Variants in UBE3A observed in about 807,000 individuals in gnomAD.
UBE3A encodes ubiquitin-protein ligase E3A.
A neutral mutation model predicts 83.4 loss-of-function variants in UBE3A; 6 were observed. The ratio of observed to expected loss-of-function variants is 0.07; its 90% CI spans 0.04 to 0.14. The LOEUF is 0.14. Among genes scored for constraint, UBE3A ranks in the 10% least tolerant of loss-of-function variants. The pLI, the probability that UBE3A is intolerant of heterozygous loss-of-function variation, is 1.00. For synonymous variants in UBE3A, 337 were observed against 355.4 expected (o/e 0.95, Z 0.58); for missense variants, 456 against 1,036.1 (o/e 0.44, Z 7.69).
At chr15:25,397,732 T>A (rs1467803856) in intron 4 of UBE3A, among the ~76,000 whole-genome samples, 1 of 152,140 alleles carries the variant, frequency 6.6e-6, no homozygotes, top group Non-Finnish European at 1.5e-5. Flanking sequence ...TCTAACCGAA[T>A]GCCTTCTCTT....
chr15:25,366,678 T>C (rs1233231557), intron 6 of UBE3A, among the ~76,000 whole-genome samples: 1 of 152,118 alleles, frequency 6.6e-6, no homozygotes, highest in African/African-American at 2.4e-5. Context: ...GTCCCCATGA[T>C]CCTCTTAAAA....
chr15:25,412,990 G>T, intron 1 of UBE3A: 1 of 437,328 alleles, frequency 2.3e-6, no homozygotes, highest in Non-Finnish European at 4.5e-6. Flanking sequence ...AAATGAATTT[G>T]CATTTTAACA....
chr15:25,355,491 T>G (rs535711279), intron 9 of UBE3A, among the ~76,000 whole-genome samples: 174 of 152,320 alleles, frequency 1.1e-3, no homozygotes, highest in Non-Finnish European at 1.9e-3. Context: ...ACGTAAAGTA[T>G]ACTTTTCAGA....
intron 5 of UBE3A, chr15:25,374,767 A>T (rs571179729): frequency 6.6e-6 from 1 of 152,498 alleles, no homozygotes; most frequent in East Asian, 1.9e-4. Context: ...GTGAGAGTGG[A>T]GGGGCGCTAA....
In UBE3A at chr15:25,338,246, CCTAA is replaced by C. The variant is rs1348888052; in HGVS notation, c.*887_*890del. ...TTTATAATAAACAAACAACAAACTT[CCTAA>C]CTTTGTTGCAATAGGCTTGACTACC... On this transcript the variant is annotated 3_prime_UTR_variant, in exon 13 of 13. Transcript: ENST00000648336. 6.6e-6 allele frequency: 1 copy of C among 152,064 alleles called. No individual in the cohort carries two copies. The highest frequency in any genetic ancestry group is 6.6e-5 in the Admixed American group (1 of 15,256). The allele number at this position is 152,064 out of a possible 1,614,324, so 9.4% of individuals were successfully genotyped here.
At chr15:25,364,157 A>G (rs927672876) in intron 6 of UBE3A, among the ~76,000 whole-genome samples, 2 of 152,042 alleles carry the variant, frequency 1.3e-5, no homozygotes, top group African/African-American at 2.4e-5. Context: ...CAGTCAGTAG[A>G]GATCGTGCCA....
chr15:25,346,403 C>T (rs936838778), intron 11 of UBE3A: 1 of 152,084 alleles, frequency 6.6e-6, no homozygotes, highest in Admixed American at 6.6e-5. Context: ...ACATGCTATA[C>T]CTTAACAGGT....
At chr15:25,398,796 T>TATATATATATA (rs2086309005) in intron 4 of UBE3A, among the ~76,000 whole-genome samples, 1 of 72,144 alleles carries the variant, frequency 1.4e-5, no homozygotes, top group Non-Finnish European at 2.8e-5. Flanking sequence ...TATATATATA[T>TATATATATATA]ATATATATAT....
In UBE3A at chr15:25,366,741, CTT is replaced by C. The variant is rs530153468; in HGVS notation, c.1608+3823_1608+3824del. 1.2e-4 allele frequency among the ~76,000 whole-genome samples: 19 copies of C among 152,092 alleles called. No individual in the cohort carries two copies. The East Asian group carries it at 2.3e-3, about 19-fold the overall frequency. ...ACTTGTATATCAAAATGGCCTTTCT[CTT>C]TCTCTCTATATATGCACACATACAC... On this transcript the variant is annotated intron_variant, in intron 6 of 12. Coordinates refer to ENST00000648336, the MANE Select transcript of UBE3A (RefSeq NM_130839.5).
intron 1 of UBE3A, among the ~76,000 whole-genome samples, chr15:25,432,679 G>C (rs1893817806): frequency 1.3e-5 from 2 of 152,138 alleles, no homozygotes; most frequent in Non-Finnish European, 2.9e-5. Flanking sequence ...AATTGATCCT[G>C]AGGAGATGAA....
intron 7 of UBE3A, 57 bp downstream of exon 7, chr15:25,360,322 TAAAC>T: frequency 1.2e-6 from 2 of 1,604,972 alleles, no homozygotes; most frequent in Non-Finnish European, 1.7e-6. Context: ...CAAAGTAAGA[TAAAC>T]AAATAACTAA....
chr15:25,401,555 C>G (rs1293162316), intron 4 of UBE3A, among the ~76,000 whole-genome samples: 1 of 152,126 alleles, frequency 6.6e-6, no homozygotes. Flanking sequence ...TTATCCATTT[C>G]TTCTATGGTA....
intron 6 of UBE3A, among the ~76,000 whole-genome samples, chr15:25,365,360 A>T (rs569185545): frequency 1.2e-3 from 189 of 152,286 alleles, no homozygotes; most frequent in Non-Finnish European, 1.7e-3. Context: ...ATAATTTTTT[A>T]AAAAAATTCC....
intron 7 of UBE3A, among the ~76,000 whole-genome samples, chr15:25,357,119 A>G (rs1016290142): frequency 6.6e-6 from 1 of 152,186 alleles, no homozygotes; most frequent in Non-Finnish European, 1.5e-5. Context: ...TATGAAGCCA[A>G]AGGAATAAAG....
chr15:25,406,800 T>C (rs2153057237), intron 3 of UBE3A, among the ~76,000 whole-genome samples: 2 of 137,488 alleles, frequency 1.5e-5, no homozygotes, highest in Admixed American at 7.7e-5. Flanking sequence ...TTTATCAGAC[T>C]CTCAAAATTA....
chr15:25,438,460 C>A (rs1252133356), intron 1 of UBE3A, 29 bp downstream of exon 1: 1 of 152,226 alleles, frequency 6.6e-6, no homozygotes, highest in Admixed American at 6.5e-5. Flanking sequence ...GAGCCAGCGC[C>A]GCCTGGCGCA....
At chr15:25,408,945 G>T in intron 3 of UBE3A, 143 bp downstream of exon 3, 2 of 865,958 alleles carry the variant, frequency 2.3e-6, no homozygotes, top group Admixed American at 2.8e-5. Context: ...AATATTTTAA[G>T]GAGATTAAAT....
chr15:25,435,921 T>C (rs1415633103), intron 1 of UBE3A, among the ~76,000 whole-genome samples: 1 of 152,172 alleles, frequency 6.6e-6, no homozygotes, highest in African/African-American at 2.4e-5. Context: ...AAAAACTGGA[T>C]AGGAAGATTT....
At chr15:25,432,213 A>G (rs1197535217) in intron 1 of UBE3A, among the ~76,000 whole-genome samples, 3 of 152,218 alleles carry the variant, frequency 2.0e-5, no homozygotes, top group Non-Finnish European at 4.4e-5. Flanking sequence ...AAAATGTGAC[A>G]TATGTCCATA....
Sources: allele counts gnomAD v4.1 joint callset (sites outside exome capture counted in the v4.1 genomes callset), GRCh38; gene constraint gnomAD v4.1.1; transcripts MANE v1.5; gene names NCBI Gene and HGNC (gene_info 2026-07-23, HGNC 2026-07-21).